PP2D1: variants seen among roughly 807,000 people sequenced by gnomAD.
The protein encoded by PP2D1 is protein phosphatase 2C-like domain-containing protein 1.
Under a neutral mutation model 30.2 loss-of-function variants are expected in PP2D1, and 25 were observed. The ratio of observed to expected loss-of-function variants is 0.83; its 90% CI spans 0.60 to 1.16. The LOEUF is 1.16. Among genes scored for constraint, PP2D1 ranks in the 50% most tolerant of loss-of-function variants. PP2D1 has a pLI of 0.00. For missense variants in PP2D1, 760 were observed against 742.4 expected, an observed-to-expected ratio of 1.02 and a Z score of -0.28; for synonymous variants, 260 against 258.9, an observed-to-expected ratio of 1.00 and a Z score of -0.04.
At chr3:19,997,419 G>T (rs1165687348) in intron 2 of PP2D1, among the ~76,000 whole-genome samples, 1 of 150,674 alleles carries the variant, frequency 6.6e-6, no homozygotes, top group Non-Finnish European at 1.5e-5. Flanking sequence ...CCCTGCTATG[G>T]TATGTATTTT....
chr3:19,983,431 T>C (rs1446158519), downstream of PP2D1, among the ~76,000 whole-genome samples: 2 of 151,532 alleles, frequency 1.3e-5, no homozygotes, highest in Non-Finnish European at 2.9e-5. Context: ...GTATAGAGAA[T>C]TACATAAAGC....
rs1429715858 is a variant in PP2D1, at chr3:19,985,798, T to C, written c.1475A>G (p.Lys492Arg). Residue 492 changes from lysine (K) to arginine (R), a missense_variant, in exon 3 of 3, where the codon AAA becomes AGA. Coordinates refer to ENST00000389050, the MANE Select transcript of PP2D1 (RefSeq NM_001252657.2). ...ACTGGTTGAAAAAAGCAGAGGCCCTTTGGATGGTGATTTGTTAGGTATGAT... is the reference window on the plus strand; with the variant it reads ...ACTGGTTGAAAAAAGCAGAGGCCCTCTGGATGGTGATTTGTTAGGTATGAT... ...CPIIPNKSPS[K>R]GPLLFSTSEP... The C allele has an allele frequency of 6.5e-7, 1 of 1,535,960 alleles. No individual in the cohort carries two copies. The highest frequency in any genetic ancestry group is 2.4e-5 in the East Asian group (1 of 40,920).
chr3:19,984,106 C>T, downstream of PP2D1: 2 of 409,912 alleles, frequency 4.9e-6, no homozygotes, highest in South Asian at 4.0e-5. Flanking sequence ...GGAATATAGA[C>T]AAATGACTGT....
intron 2 of PP2D1, among the ~76,000 whole-genome samples, chr3:19,988,051 C>T (rs1342298603): frequency 6.6e-6 from 1 of 152,104 alleles, no homozygotes; most frequent in East Asian, 1.9e-4. Flanking sequence ...CTTCAGGACC[C>T]TGTGATGATT....
chr3:19,980,582 C>T (rs114296948), downstream of PP2D1, among the ~76,000 whole-genome samples: 1,750 of 152,150 alleles, frequency 0.012, 35 homozygotes, highest in African/African-American at 0.04. Context: ...CCTTCATCCT[C>T]TTAATCTCAC....
At chr3:20,008,472 C>T (rs1434240027) in intron 1 of PP2D1, among the ~76,000 whole-genome samples, 1 of 152,048 alleles carries the variant, frequency 6.6e-6, no homozygotes, top group Non-Finnish European at 1.5e-5. Flanking sequence ...GAGGCTGAGG[C>T]AGGAGAATCG....
chr3:19,984,824 C>G (rs1697002305), downstream of PP2D1: 1 of 152,946 alleles, frequency 6.5e-6, no homozygotes, highest in Non-Finnish European at 1.5e-5. Flanking sequence ...AATTATTTCT[C>G]TCTCCCCCTT....
chr3:19,981,163 G>A (rs1559493691), downstream of PP2D1, among the ~76,000 whole-genome samples: 1 of 152,070 alleles, frequency 6.6e-6, no homozygotes, highest in African/African-American at 2.4e-5. Context: ...GCACATCAAG[G>A]ATCTTATGTA....
chr3:20,011,423 G>T (rs1697384584), intron 1 of PP2D1, among the ~76,000 whole-genome samples: 1 of 151,956 alleles, frequency 6.6e-6, no homozygotes, highest in African/African-American at 2.4e-5. Flanking sequence ...CATACGCCGG[G>T]GACAGCCATA....
chr3:19,985,946 T>C lies in PP2D1; in HGVS notation c.1327A>G (p.Ile443Val). ...IPAPQTISVP[I>V]DDLCQFLIVA... ...ATAAGGAATTGACATAGGTCATCTA[T>C]AGGGACAGAAATAGTTTGAGGTGCT... Residue 443 changes from isoleucine to valine, a missense_variant, in exon 3 of 3, where the codon ATA (isoleucine) becomes GTA (valine). Physicochemically the swap from Ile to Val is conservative, Grantham distance 29 (BLOSUM62 3). Transcript: ENST00000389050. 6.5e-7 allele frequency: 1 copy of C among 1,536,352 alleles called. No homozygotes were observed. Among genetic ancestry groups the C allele is most frequent in the Non-Finnish European group, 8.7e-7 (1 of 1,146,930 alleles).
chr3:20,009,396 G>T (rs1232674237), intron 1 of PP2D1, among the ~76,000 whole-genome samples: 1 of 152,106 alleles, frequency 6.6e-6, no homozygotes, highest in Non-Finnish European at 1.5e-5. Context: ...AGGATTTTGA[G>T]GTTTCAGTGA....
At chr3:19,981,199 A>G (rs1010646175), downstream of PP2D1, among the ~76,000 whole-genome samples, 1 of 152,132 alleles carries the variant, frequency 6.6e-6, no homozygotes, top group Non-Finnish European at 1.5e-5. Context: ...GCAATCTCCA[A>G]CTTTACAGTG....
At chr3:19,994,480 G>A (rs187424150) in intron 2 of PP2D1, among the ~76,000 whole-genome samples, 16 of 152,288 alleles carry the variant, frequency 1.1e-4, no homozygotes, top group Middle Eastern at 3.4e-3. Flanking sequence ...AACAAAGAAT[G>A]TGAAACCACC....
intron 2 of PP2D1, among the ~76,000 whole-genome samples, chr3:20,000,122 T>TA (rs1697233074): frequency 6.6e-6 from 1 of 152,192 alleles, no homozygotes; most frequent in African/African-American, 2.4e-5. Flanking sequence ...ACAATCCCCT[T>TA]AAGAGGTAAC....
chr3:19,980,692 A>G (rs1231517890), downstream of PP2D1, among the ~76,000 whole-genome samples: 3 of 152,152 alleles, frequency 2.0e-5, no homozygotes, highest in Non-Finnish European at 2.9e-5. Flanking sequence ...ATATAGTGCT[A>G]TTTTGTGTCC....
Position 19,985,386 on chromosome 3 carries a change from C to G in PP2D1, c.1887G>C (p.Leu629=). 2.0e-6 allele frequency: 3 copies of G among 1,521,786 alleles called. No individual in the cohort carries two copies. Among genetic ancestry groups the G allele is most frequent in the Non-Finnish European group, 2.6e-6 (3 of 1,139,566 alleles). The allele number at this position is 1,521,786 out of a possible 1,614,324, so 94.3% of individuals were successfully genotyped here. Residue 629 remains leucine (L), a synonymous_variant, in exon 3 of 3, where the codon CTG becomes CTC. Coordinates refer to ENST00000389050, the MANE Select transcript of PP2D1 (RefSeq NM_001252657.2). ...TAATTGGAACTTTATTTTTTTATGT[C>G]AGAAGCTGATATTCACTTCCATTGA... ...IFLNGSEYQL[L]T is the part of the protein sequence containing the mutation.
downstream of PP2D1, chr3:19,983,634 T>C: frequency 9.9e-7 from 1 of 1,014,552 alleles, no homozygotes; most frequent in Middle Eastern, 2.1e-4. Context: ...GAAAGAAAAA[T>C]TATAGATAAG....
chr3:19,988,131 AAG>A (rs1466217761), intron 2 of PP2D1, among the ~76,000 whole-genome samples: 1 of 152,320 alleles, frequency 6.6e-6, no homozygotes, highest in South Asian at 2.1e-4. Flanking sequence ...ACCTTGAAAA[AAG>A]AGCAGGATAA....
At chr3:20,003,541 G>C (rs1053684639) in intron 1 of PP2D1, among the ~76,000 whole-genome samples, 1 of 151,754 alleles carries the variant, frequency 6.6e-6, no homozygotes. Flanking sequence ...TCAGGAGTTC[G>C]AGACCAGCCT....
Sources: gnomAD v4.1 joint callset for allele counts (sites outside exome capture counted in the v4.1 genomes callset) on GRCh38, gnomAD v4.1.1 for gene constraint, MANE v1.5 for transcripts, NCBI Gene and HGNC (gene_info 2026-07-23, HGNC 2026-07-21) for gene names.